The following RFX7 variants were observed in gnomAD, a reference collection of about 807,000 sequenced individuals.
RFX7 encodes the protein DNA-binding protein RFX7.
RFX7 carries 26 observed loss-of-function variants against 111.8 expected under a neutral mutation model. The observed-to-expected ratio is 0.23, with a 90% CI of 0.17 to 0.32. The LOEUF is 0.32. RFX7 is among the 10% of genes least tolerant of loss of function. The pLI, the probability that RFX7 is intolerant of heterozygous loss-of-function variation, is 1.00. For synonymous variants in RFX7, 624 were observed against 624.4 expected (o/e 1.00, Z 0.01); for missense variants, 1,573 against 1,772.9 (o/e 0.89, Z 2.02).
rs879913606 is a variant in RFX7 at position 56,166,754 on chromosome 15, C to CT, written c.195+12515dup. ...TTCATAAACATACTTGACTATGGAA[C>CT]TTTTTTTTTTGGTTTAAAGAGATGG... is the stretch of plus-strand genomic sequence containing the variant. On this transcript the variant is annotated intron_variant, in intron 3 of 9. Coordinates refer to ENST00000559447, the MANE Select transcript of RFX7 (RefSeq NM_022841.7). Among the ~76,000 whole-genome samples, 1,178 of 148,628 alleles carry CT rather than the reference C, an allele frequency of 7.9e-3. 11 individuals carry two copies. The highest frequency in any genetic ancestry group is 0.018 in the South Asian group (83 of 4,676).
At chr15:56,180,878 C>T (rs144069270) in intron 2 of RFX7, among the ~76,000 whole-genome samples, 26 of 152,072 alleles carry the variant, frequency 1.7e-4, no homozygotes, top group African/African-American at 5.3e-4. Flanking sequence ...GATTGTGCCA[C>T]TGTACTCCAG....
intron 3 of RFX7, among the ~76,000 whole-genome samples, chr15:56,154,679 T>C (rs1240128113): frequency 6.6e-6 from 1 of 151,614 alleles, no homozygotes; most frequent in African/African-American, 2.4e-5. Context: ...ATAAAAATCC[T>C]AGAAGAAAAC....
intron 2 of RFX7, among the ~76,000 whole-genome samples, chr15:56,187,964 A>G (rs1158083382): frequency 6.6e-6 from 1 of 152,240 alleles, no homozygotes; most frequent in Non-Finnish European, 1.5e-5. Context: ...GTCAAGAGAA[A>G]AAGCAGCTCA....
intron 2 of RFX7, among the ~76,000 whole-genome samples, chr15:56,204,557 C>T (rs1296545232): frequency 6.6e-6 from 1 of 152,084 alleles, no homozygotes; most frequent in Non-Finnish European, 1.5e-5. Context: ...ATATTGTAGG[C>T]TAAAGCTTTG....
At chr15:56,204,155 G>A (rs1156455240) in intron 2 of RFX7, among the ~76,000 whole-genome samples, 3 of 151,718 alleles carry the variant, frequency 2.0e-5, no homozygotes, top group African/African-American at 7.3e-5. Flanking sequence ...GAGTAGCTGG[G>A]ATTACAGGTG....
chr15:56,186,785 C>T (rs61270078), intron 2 of RFX7, among the ~76,000 whole-genome samples: 19,683 of 152,044 alleles, frequency 0.13, 1,678 homozygotes, highest in East Asian at 0.44. Flanking sequence ...CCCCCAAATT[C>T]CACCACTACA....
chr15:56,240,611 A>G (rs1217704649), intron 2 of RFX7, among the ~76,000 whole-genome samples: 1 of 152,150 alleles, frequency 6.6e-6, no homozygotes, highest in Admixed American at 6.5e-5. Flanking sequence ...TGTTTGTGAT[A>G]TGCAAGCCCA....
At chr15:56,223,175 C>G (rs187153369) in intron 2 of RFX7, among the ~76,000 whole-genome samples, 5 of 152,262 alleles carry the variant, frequency 3.3e-5, no homozygotes, top group South Asian at 2.1e-4. Context: ...CAGGCCCCAA[C>G]AGTTGTTCTT....
At chr15:56,210,205 G>A (rs571900263) in intron 2 of RFX7, among the ~76,000 whole-genome samples, 1 of 152,188 alleles carries the variant, frequency 6.6e-6, no homozygotes, top group East Asian at 1.9e-4. Flanking sequence ...GATAAGGCAG[G>A]CTTCAAAGCA....
At chr15:56,124,018 G>C (rs2042110347) in intron 5 of RFX7, among the ~76,000 whole-genome samples, 1 of 152,128 alleles carries the variant, frequency 6.6e-6, no homozygotes, top group South Asian at 2.1e-4. Context: ...CCTGATTTCT[G>C]GTTCTTACAT....
intron 9 of RFX7, among the ~76,000 whole-genome samples, chr15:56,097,071 A>G (rs545699034): frequency 3.9e-5 from 6 of 152,328 alleles, no homozygotes; most frequent in African/African-American, 1.4e-4. Context: ...ATAAGATACA[A>G]CTACTGTCTA....
intron 5 of RFX7, among the ~76,000 whole-genome samples, chr15:56,122,627 G>A (rs1212274116): frequency 2.0e-5 from 3 of 152,202 alleles, no homozygotes; most frequent in African/African-American, 7.2e-5. Context: ...AGGGTTGTGA[G>A]TTGCCCCAGA....
rs183212882 is a variant in RFX7 at position 56,125,787 on chromosome 15, C to A, written c.401+16991G>T. ...GCAAACATTAAACGTTAAGGACTTCCTCATGGATACAAATCCCAGTATATG... is the reference window on the plus strand; with the variant it reads ...GCAAACATTAAACGTTAAGGACTTCATCATGGATACAAATCCCAGTATATG... On this transcript the variant is annotated intron_variant, in intron 5 of 9. Transcript: ENST00000559447. Among the ~76,000 whole-genome samples the A allele has an allele frequency of 6.3e-4, 96 of 152,188 alleles. 1 individual carries two copies. The highest frequency in any genetic ancestry group is 3.4e-3 in the Middle Eastern group (1 of 294).
At chr15:56,109,632 G>A (rs1467656041) in intron 5 of RFX7, among the ~76,000 whole-genome samples, 1 of 151,894 alleles carries the variant, frequency 6.6e-6, no homozygotes, top group Non-Finnish European at 1.5e-5. Context: ...ATCCCATCTA[G>A]GAAGTGAGGA....
At chr15:56,194,708 G>A (rs1279230308) in intron 2 of RFX7, among the ~76,000 whole-genome samples, 3 of 151,892 alleles carry the variant, frequency 2.0e-5, no homozygotes, top group African/African-American at 4.8e-5. Flanking sequence ...AAAAACATTC[G>A]GAATCACACC....
chr15:56,157,051 G>A (rs2042661786), intron 3 of RFX7, among the ~76,000 whole-genome samples: 1 of 152,204 alleles, frequency 6.6e-6, no homozygotes, highest in Admixed American at 6.5e-5. Context: ...TCAAGGAACT[G>A]CCCGTTCATT....
At chr15:56,153,438 T>A (rs959075673) in intron 3 of RFX7, among the ~76,000 whole-genome samples, 4 of 152,000 alleles carry the variant, frequency 2.6e-5, no homozygotes, top group African/African-American at 9.7e-5. Context: ...TCCATTCACA[T>A]AAATCCAATC....
At chr15:56,206,763 C>T (rs1177958401) in intron 2 of RFX7, among the ~76,000 whole-genome samples, 3 of 149,954 alleles carry the variant, frequency 2.0e-5, no homozygotes, top group Non-Finnish European at 3.0e-5. Flanking sequence ...AAAAACAGTA[C>T]ATGTTCTCAC....
chr15:56,087,410 T>C lies in RFX7; in HGVS notation c.*5935A>G. On this transcript the variant is annotated 3_prime_UTR_variant, in exon 10 of 10. Transcript: ENST00000559447. ...GGGCTCCTTGTATCTTGTTGCTCAA[T>C]CATCCTCAGCATGTGTCTTTAACAT... The C allele has an allele frequency of 2.2e-6, 1 of 456,688 alleles. No individual in the cohort carries two copies. The highest frequency in any genetic ancestry group is 1.5e-5 in the South Asian group (1 of 64,566). 28.3% of individuals were successfully genotyped at this position (456,688 alleles called of 1,614,324 possible). A position where few individuals can be genotyped will look rare whatever the true frequency, so the allele number is the denominator to read the frequency against.
Sources: allele counts gnomAD v4.1 joint callset (sites outside exome capture counted in the v4.1 genomes callset), GRCh38; gene constraint gnomAD v4.1.1; transcripts MANE v1.5; gene names NCBI Gene and HGNC (gene_info 2026-07-23, HGNC 2026-07-21).